Variants in SEPTIN9 observed in about 807,000 individuals in gnomAD.
The protein encoded by SEPTIN9 is septin-9.
Under a neutral mutation model 56.6 loss-of-function variants are expected in SEPTIN9, and 13 were observed. That is an observed-to-expected ratio of 0.23 (90% CI 0.15 to 0.37). The LOEUF (loss-of-function observed/expected upper bound fraction) is 0.37, where lower values mean the gene tolerates loss of function less well. SEPTIN9 is among the 10% of genes least tolerant of loss of function. SEPTIN9 has a pLI of 1.00. For missense variants in SEPTIN9, 650 were observed against 823.1 expected (o/e 0.79, Z 2.57); for synonymous variants, 332 against 334.1 (o/e 0.99, Z 0.07).
At position 77,317,287 on chromosome 17, in the gene SEPTIN9, C is replaced by T. The variant is rs2032746012; in HGVS notation, c.76+10090C>T. Among the ~76,000 whole-genome samples the T allele has an allele frequency of 6.6e-6, 1 of 152,186 alleles. No individual in the cohort carries two copies. Among genetic ancestry groups the T allele is most frequent in the Non-Finnish European group, 1.5e-5 (1 of 68,028 alleles). On this transcript the variant is annotated intron_variant, in intron 2 of 11. Coordinates refer to ENST00000427177, the MANE Select transcript of SEPTIN9 (RefSeq NM_001113491.2). The surrounding 1 kb of genome is among the most constrained non-coding windows in gnomAD (Gnocchi z 4.2). ...TCCACTGGGCATAGCCCTCTGGAGG[C>T]TCTAGGGCAGGGGTTCCCAGCCCCG... is the stretch of plus-strand genomic sequence containing the variant.
At chr17:77,424,332 G>A (rs757374884) in intron 3 of SEPTIN9, among the ~76,000 whole-genome samples, 2 of 152,252 alleles carry the variant, frequency 1.3e-5, no homozygotes, top group East Asian at 1.9e-4. Context: ...GGTTTGCAGC[G>A]AGGCTCATGG....
intron 2 of SEPTIN9, among the ~76,000 whole-genome samples, chr17:77,353,200 C>T (rs376225496): frequency 1.8e-4 from 28 of 152,052 alleles, no homozygotes; most frequent in African/African-American, 4.6e-4. Context: ...GAGGGACCTG[C>T]GTGGCAAGAG....
chr17:77,397,853 G>C (rs940051820), intron 2 of SEPTIN9, among the ~76,000 whole-genome samples: 9 of 152,156 alleles, frequency 5.9e-5, no homozygotes, highest in African/African-American at 1.9e-4. Flanking sequence ...GTTTTACCAT[G>C]TTGGCCAGGC....
intron 1 of SEPTIN9, chr17:77,281,756 C>T: frequency 1.9e-6 from 1 of 524,128 alleles, no homozygotes; most frequent in Non-Finnish European, 3.3e-6. Flanking sequence ...TGCGCTGTCT[C>T]CAGCCCTTGC....
rs776824726 is a variant in SEPTIN9, at chr17:77,430,859, T to TACCA, written c.721+28156_721+28157insACCA. Among the ~76,000 whole-genome samples the TACCA allele has an allele frequency of 2.0e-5, 3 of 151,954 alleles. 1 individual carries two copies. The highest frequency in any genetic ancestry group is 4.4e-5 in the Non-Finnish European group (3 of 68,000). ...TACAAAAATTAGCCAGGTATGGTGGTGCACGCTTGTAATCCCAGCTACTCT... is the reference window on the plus strand; with the variant it reads ...TACAAAAATTAGCCAGGTATGGTGGTACCAGCACGCTTGTAATCCCAGCTACTCT... On this transcript the variant is annotated intron_variant, in intron 3 of 11. Coordinates refer to ENST00000427177, the MANE Select transcript of SEPTIN9 (RefSeq NM_001113491.2).
At chr17:77,403,168 C>G (rs1441172534) in intron 3 of SEPTIN9, among the ~76,000 whole-genome samples, 2 of 152,088 alleles carry the variant, frequency 1.3e-5, no homozygotes, top group African/African-American at 4.8e-5. Flanking sequence ...CCTGGATATG[C>G]CCAGCAGAGG....
At chr17:77,282,168 C>G (rs896221284) in intron 1 of SEPTIN9, among the ~76,000 whole-genome samples, 2 of 152,216 alleles carry the variant, frequency 1.3e-5, no homozygotes, top group African/African-American at 4.8e-5. Flanking sequence ...CACCATGAGC[C>G]GGTTCAGGAG....
intron 2 of SEPTIN9, among the ~76,000 whole-genome samples, chr17:77,333,374 G>A (rs189141465): frequency 6.6e-6 from 1 of 152,222 alleles, no homozygotes; most frequent in Admixed American, 6.5e-5. Context: ...TTTTATTCCA[G>A]TCTGTGGCTT....
chr17:77,479,093 AC>A (rs1356314536), intron 3 of SEPTIN9, among the ~76,000 whole-genome samples: 1 of 152,242 alleles, frequency 6.6e-6, no homozygotes, highest in East Asian at 1.9e-4. Flanking sequence ...GAGATTTGTT[AC>A]ACAACAATGC....
At position 77,402,799 on chromosome 17, in the gene SEPTIN9, G is replaced by T. The variant is rs2035948935; in HGVS notation, c.721+96G>T. 2.3e-6 allele frequency: 3 copies of T among 1,314,346 alleles called. No homozygotes were observed. Among genetic ancestry groups the T allele is most frequent in the Non-Finnish European group, 3.1e-6 (3 of 971,048 alleles). 81.4% of individuals were successfully genotyped at this position (1,314,346 alleles called of 1,614,324 possible). A position where few individuals can be genotyped will look rare whatever the true frequency, so the allele number is the denominator to read the frequency against. On this transcript the variant is annotated intron_variant, in intron 3 of 11. Coordinates refer to ENST00000427177, the MANE Select transcript of SEPTIN9 (RefSeq NM_001113491.2). The surrounding 1 kb of genome is among the most constrained non-coding windows in gnomAD (Gnocchi z 6.6). Reference sequence around the variant, plus strand: ...TCTTGGAGGAAGAAGCTGGATATGGGGTGGAGGGTGCTACCCTGGAGACCC... The same window carrying T: ...TCTTGGAGGAAGAAGCTGGATATGGTGTGGAGGGTGCTACCCTGGAGACCC...
rs962200672 is a variant in SEPTIN9, at chr17:77,425,137, C to T, written c.721+22434C>T. 1.3e-5 allele frequency among the ~76,000 whole-genome samples: 2 copies of T among 152,228 alleles called. 1 individual carries two copies. Among genetic ancestry groups the T allele is most frequent in the Non-Finnish European group, 2.9e-5 (2 of 68,038 alleles). On this transcript the variant is annotated intron_variant, in intron 3 of 11. Coordinates refer to ENST00000427177, the MANE Select transcript of SEPTIN9 (RefSeq NM_001113491.2). This position sits in a 1 kb window ranked among gnomAD's most constrained non-coding sequence, Gnocchi z 4.2. The stretch of plus-strand genomic sequence containing the variant: ...GGGGCTGTTCCTGGCGCCCTGCCCT[C>T]CCCCAGAGCCCCACTGACCTGCACC...
chr17:77,406,111 TC>T (rs2036059113), intron 3 of SEPTIN9, among the ~76,000 whole-genome samples: 2 of 152,308 alleles, frequency 1.3e-5, no homozygotes, highest in Admixed American at 1.3e-4. Flanking sequence ...GCTGAATTGC[TC>T]CCAGACTGAC....
intron 2 of SEPTIN9, among the ~76,000 whole-genome samples, chr17:77,315,071 C>T (rs780666750): frequency 8.5e-5 from 13 of 152,170 alleles, no homozygotes; most frequent in Non-Finnish European, 1.6e-4. Flanking sequence ...TTATCCTGCA[C>T]ACATATTCAG....
intron 2 of SEPTIN9, among the ~76,000 whole-genome samples, chr17:77,331,065 C>T (rs1051812893): frequency 9.2e-5 from 14 of 152,160 alleles, no homozygotes; most frequent in South Asian, 2.1e-4. Flanking sequence ...TAAAGAACTA[C>T]GGCTTCAGGC....
chr17:77,421,501 G>T lies in SEPTIN9; in HGVS notation c.721+18798G>T, dbSNP rs911744679. Among the ~76,000 whole-genome samples, 12 of 152,306 alleles carry T rather than the reference G, an allele frequency of 7.9e-5. No individual in the cohort carries two copies. Among genetic ancestry groups the T allele is most frequent in the African/African-American group, 2.6e-4 (11 of 41,572 alleles). ...CTGGGGACCGAGATGAGGGCTCCAGGTTGGCTCCGGCAAGAGCAGGGAGGC... is the reference window on the plus strand; with the variant it reads ...CTGGGGACCGAGATGAGGGCTCCAGTTTGGCTCCGGCAAGAGCAGGGAGGC... On this transcript the variant is annotated intron_variant, in intron 3 of 11. Transcript: ENST00000427177. This position sits in a 1 kb window ranked among gnomAD's most constrained non-coding sequence, Gnocchi z 4.6.
chr17:77,483,717 C>T (rs2039553153), intron 4 of SEPTIN9: 1 of 152,284 alleles, frequency 6.6e-6, no homozygotes, highest in African/African-American at 2.4e-5. Context: ...CCCTCGCCTT[C>T]CGTGGCTGCC....
In SEPTIN9 at chr17:77,488,283, C is replaced by T. The variant is rs747586465; in HGVS notation, c.1086C>T (p.Asp362=). 5.0e-6 allele frequency: 8 copies of T among 1,613,674 alleles called. No individual in the cohort carries two copies. The highest frequency in any genetic ancestry group is 3.3e-5 in the Admixed American group (2 of 60,006). ...TCCGGATGAAGCTGACAGTGATTGA[C>T]ACACCAGGGTTCGGGGACCACATCA... The part of the protein sequence containing the change: ...KGVRMKLTVI[D]TPGFGDHINN... Residue 362 remains aspartate, a synonymous_variant, in exon 6 of 12, where the codon GAC becomes GAT. Coordinates refer to ENST00000427177, the MANE Select transcript of SEPTIN9 (RefSeq NM_001113491.2).
chr17:77,418,674 G>T (rs903075284), intron 3 of SEPTIN9, among the ~76,000 whole-genome samples: 2 of 152,274 alleles, frequency 1.3e-5, no homozygotes. Flanking sequence ...TCTTAAGGCC[G>T]TGAGGATGTC....
At chr17:77,320,169 C>T in intron 2 of SEPTIN9, 1 of 1,546,242 alleles carries the variant, frequency 6.5e-7, no homozygotes, top group East Asian at 2.4e-5. Context: ...TTCGTGATTG[C>T]AACAGATTGA....
Sources: gnomAD v4.1 joint callset for allele counts (sites outside exome capture counted in the v4.1 genomes callset) on GRCh38, gnomAD v4.1.1 for gene constraint, Gnocchi (gnomAD v3.1) non-coding constraint, MANE v1.5 for transcripts, NCBI Gene and HGNC (gene_info 2026-07-23, HGNC 2026-07-21) for gene names.